The following VPS13C variants were observed in gnomAD, a reference collection of about 807,000 sequenced individuals.
VPS13C encodes the protein vacuolar protein sorting 13 homolog C.
In VPS13C, 358 loss-of-function variants were observed where a neutral mutation model predicts 456.8. The ratio of observed to expected loss-of-function variants is 0.78; its 90% CI spans 0.72 to 0.86. VPS13C has a LOEUF of 0.86. Among genes scored for constraint, VPS13C ranks in the 40% least tolerant of loss-of-function variants. VPS13C has a pLI of 0.00. For missense variants in VPS13C, 4,818 were observed against 4,385.4 expected (o/e 1.10, Z -2.79); for synonymous variants, 1,578 against 1,486.7 (o/e 1.06, Z -1.41).
chr15:61,963,308 AC>A (rs1476949229), intron 32 of VPS13C, among the ~76,000 whole-genome samples: 1 of 152,116 alleles, frequency 6.6e-6, no homozygotes, highest in Non-Finnish European at 1.5e-5. Flanking sequence ...CCAGGTCACA[AC>A]AAGCTAGTAA....
intron 2 of VPS13C, among the ~76,000 whole-genome samples, chr15:62,041,761 A>C (rs1433377396): frequency 6.6e-6 from 1 of 152,126 alleles, no homozygotes. Context: ...CAGAGGTTGC[A>C]GTGAGTCGGG....
In VPS13C at chr15:61,991,810, A is replaced by C. The variant is rs1462680200; in HGVS notation, c.1354-8T>G. The C allele has an allele frequency of 2.5e-6, 4 of 1,607,440 alleles. No individual in the cohort carries two copies. Among genetic ancestry groups the C allele is most frequent in the Non-Finnish European group, 2.5e-6 (3 of 1,177,640 alleles). The stretch of plus-strand genomic sequence containing the variant: ...TTGCCCAGACCGAATCACCTGAAAA[A>C]TAAAAATTAAAAAATTTACTTTAAG... On this transcript the variant is annotated splice_region_variant and splice_polypyrimidine_tract_variant and intron_variant, in intron 16 of 84. Coordinates refer to ENST00000644861, the MANE Select transcript of VPS13C (RefSeq NM_020821.3).
At chr15:62,000,010 A>AATT (rs1201001867) in intron 16 of VPS13C, among the ~76,000 whole-genome samples, 2 of 151,972 alleles carry the variant, frequency 1.3e-5, no homozygotes, top group African/African-American at 4.8e-5. Context: ...AAGTTGTCAG[A>AATT]ATTATAGATG....
chr15:61,983,826 A>C lies in VPS13C; in HGVS notation c.1908T>G (p.Tyr636Ter). The C allele has an allele frequency of 6.2e-7, 1 of 1,613,722 alleles. No individual in the cohort carries two copies. The highest frequency in any genetic ancestry group is 1.1e-5 in the South Asian group (1 of 90,844). Residue 636 changes from tyrosine (Y) to a stop codon, truncating the protein, a stop_gained, in exon 20 of 85, where the codon TAT (tyrosine) becomes TAG (stop). Transcript: ENST00000644861. LOFTEE classifies it high-confidence loss of function. The stretch of plus-strand genomic sequence containing the variant: ...ACTTTCTCCTTGCACTTACAGCATC[A>C]TAGATGACCTCCACAGGCTGGGACT... Reference protein sequence around the residue: ...IVQSQPVEVIYDAKTVNAVVE... With the variant: ...IVQSQPVEVI
rs72747888 is a variant in VPS13C at position 61,919,367 on chromosome 15, G to C, written c.7560C>G (p.Ala2520=). Residue 2520 remains alanine (A), a synonymous_variant, in exon 58 of 85, where the codon GCC becomes GCG. Transcript: ENST00000644861. The stretch of plus-strand genomic sequence containing the variant: ...GTACCAAGACAGAGTCAGAATGACT[G>C]GCATTGGGATTCCGTACATTATACA... ...RRLYNVRNPN[A]SHSDSVLVQI... 7.5e-4 allele frequency: 1,207 copies of C among 1,604,750 alleles called. 2 individuals carry two copies. The highest frequency in any genetic ancestry group is 9.4e-4 in the Non-Finnish European group (1,108 of 1,176,162).
At chr15:61,915,044 G>C (rs770247418) in intron 61 of VPS13C, among the ~76,000 whole-genome samples, 20 of 152,034 alleles carry the variant, frequency 1.3e-4, no homozygotes, top group Non-Finnish European at 2.9e-4. Context: ...GAATGCCAAA[G>C]GATGAACAGC....
intron 67 of VPS13C, among the ~76,000 whole-genome samples, chr15:61,888,408 G>C (rs1896423429): frequency 1.3e-5 from 2 of 151,890 alleles, no homozygotes; most frequent in East Asian, 3.9e-4. Context: ...GTTTATAACA[G>C]CTTTATTTGT....
At chr15:62,060,048 G>T (rs929696580) in intron 1 of VPS13C, among the ~76,000 whole-genome samples, 13 of 152,186 alleles carry the variant, frequency 8.5e-5, no homozygotes, top group African/African-American at 2.7e-4. Context: ...AGAAAGGTGG[G>T]AACTTTGGCA....
intron 15 of VPS13C, among the ~76,000 whole-genome samples, chr15:62,003,234 C>A (rs934952701): frequency 2.0e-5 from 3 of 151,178 alleles, no homozygotes; most frequent in African/African-American, 7.4e-5. Flanking sequence ...AGGTCCTTCA[C>A]GTCCTTTGTA....
At chr15:61,868,583 G>T in intron 81 of VPS13C, 76 bp downstream of exon 81, 1 of 1,257,212 alleles carries the variant, frequency 8.0e-7, no homozygotes, top group Non-Finnish European at 1.1e-6. Context: ...GGAACTTTAA[G>T]AACCACCTAG....
intron 45 of VPS13C, among the ~76,000 whole-genome samples, chr15:61,942,880 C>A (rs2044475256): frequency 6.6e-6 from 1 of 152,008 alleles, no homozygotes. Flanking sequence ...AAGGACTCCA[C>A]CAAAAGGCTC....
chr15:61,894,261 T>A (rs1038633815), intron 66 of VPS13C, among the ~76,000 whole-genome samples: 1 of 151,590 alleles, frequency 6.6e-6, no homozygotes, highest in Non-Finnish European at 1.5e-5. Context: ...TGAGACGAGA[T>A]TGCACCACTG....
chr15:61,913,361 C>T lies in VPS13C; in HGVS notation c.8500G>A (p.Val2834Met). The T allele has an allele frequency of 1.2e-6, 2 of 1,614,114 alleles. No individual in the cohort carries two copies. The highest frequency in any genetic ancestry group is 1.7e-6 in the Non-Finnish European group (2 of 1,179,996). ...AWSSSFSLDT[V>M]GSYGCVKCPA... ...CACTTCACACACCCATAACTTCCCA[C>T]TGTATCCAATGAGAAACTACTGGAC... is the stretch of plus-strand genomic sequence containing the variant. Residue 2834 changes from valine to methionine, a missense_variant, in exon 62 of 85, where the codon GTG becomes ATG. Coordinates refer to ENST00000644861, the MANE Select transcript of VPS13C (RefSeq NM_020821.3).
At position 61,911,811 on chromosome 15, in the gene VPS13C, G is replaced by A. The variant is rs553582839; in HGVS notation, c.8715+29C>T. 5 of 1,528,046 alleles carry A rather than the reference G, an allele frequency of 3.3e-6. No individual in the cohort carries two copies. In the South Asian group the frequency reaches 5.3e-5, roughly 16 times the overall value. The allele number at this position is 1,528,046 out of a possible 1,614,324, so 94.7% of individuals were successfully genotyped here. ...GTCAATATTTATTTGTATATTTTAG[G>A]AATCAGTTGTAACAAAGAAAAATGC... On this transcript the variant is annotated intron_variant, in intron 63 of 84. Transcript: ENST00000644861.
chr15:61,928,423 A>C (rs1567014742), intron 51 of VPS13C, among the ~76,000 whole-genome samples: 1 of 152,176 alleles, frequency 6.6e-6, no homozygotes, highest in African/African-American at 2.4e-5. Flanking sequence ...TACTGTAAAT[A>C]TATTCAATGC....
At chr15:61,877,842 T>C (rs1895565914) in intron 74 of VPS13C, among the ~76,000 whole-genome samples, 1 of 151,970 alleles carries the variant, frequency 6.6e-6, no homozygotes, top group African/African-American at 2.4e-5. Context: ...TCACTGTGTT[T>C]TCCCTTTTGC....
chr15:61,869,220 C>T (rs749221009), intron 80 of VPS13C, among the ~76,000 whole-genome samples: 13 of 151,210 alleles, frequency 8.6e-5, no homozygotes, highest in East Asian at 3.9e-4. Flanking sequence ...TAGGTTCACG[C>T]GGTTCTCATG....
rs8030161 is a variant in VPS13C, at chr15:61,934,489, T to C, written c.5756-158A>G. Among the ~76,000 whole-genome samples, 10,454 of 152,250 alleles carry C rather than the reference T, an allele frequency of 0.069. 600 individuals carry two copies. The highest frequency in any genetic ancestry group is 0.2 in the East Asian group (1,058 of 5,170). ...AAAAATGGCAATTATGTTCCAACTG[T>C]TAAATTTTAAAAATGGCAATGACTA... is the stretch of plus-strand genomic sequence containing the variant. On this transcript the variant is annotated intron_variant, in intron 48 of 84. Coordinates refer to ENST00000644861, the MANE Select transcript of VPS13C (RefSeq NM_020821.3).
intron 14 of VPS13C, 36 bp downstream of exon 14, chr15:62,008,619 T>C (rs775395109): frequency 2.1e-6 from 3 of 1,460,362 alleles, no homozygotes; most frequent in East Asian, 2.3e-5. Context: ...TATGATTATA[T>C]GTTCCTCACA....
Sources: allele counts gnomAD v4.1 joint callset (sites outside exome capture counted in the v4.1 genomes callset), GRCh38; gene constraint gnomAD v4.1.1; transcripts MANE v1.5; gene names NCBI Gene and HGNC (gene_info 2026-07-23, HGNC 2026-07-21).